The following OTUD5 variants were observed in gnomAD, a reference collection of about 807,000 sequenced individuals.
OTUD5 encodes OTU domain-containing protein 5.
Under a neutral mutation model 36.3 loss-of-function variants are expected in OTUD5, and 2 were observed. The ratio of observed to expected loss-of-function variants is 0.06; its 90% confidence interval spans 0.02 to 0.17. The LOEUF (loss-of-function observed/expected upper bound fraction) is 0.17. Among genes scored for constraint, OTUD5 ranks in the 10% least tolerant of loss-of-function variants. The pLI is 1.00. For missense variants in OTUD5, 233 were observed against 512.3 expected (o/e 0.45, Z 5.26); for synonymous variants, 234 against 214.9 (o/e 1.09, Z -0.78).
chrX:48,952,451 G>A (rs1253918911), intron 1 of OTUD5, among the ~76,000 whole-genome samples: 5 of 112,423 alleles, frequency 4.4e-5, no homozygotes, highest in Non-Finnish European at 9.4e-5. Context: ...CTTCAAAGAG[G>A]TGAATAGTAT....
intron 2 of OTUD5, among the ~76,000 whole-genome samples, chrX:48,943,343 C>A (rs1384034920): frequency 8.9e-6 from 1 of 111,940 alleles, no homozygotes; most frequent in South Asian, 3.7e-4. Context: ...ATTATTAATT[C>A]TGTTAGGTGC....
intron 1 of OTUD5, among the ~76,000 whole-genome samples, chrX:48,954,903 G>A (rs1208163228): frequency 8.9e-6 from 1 of 112,008 alleles, no homozygotes; most frequent in Admixed American, 9.4e-5. Flanking sequence ...GACCTTCTTG[G>A]CCCTGGCCAC....
chrX:48,938,720 T>C (rs2063870442), intron 2 of OTUD5, among the ~76,000 whole-genome samples: 1 of 110,832 alleles, frequency 9.0e-6, no homozygotes, highest in Admixed American at 9.6e-5. Flanking sequence ...AATTCGTTTT[T>C]CTGACTTTCC....
chrX:48,948,466 C>T (rs992441977), intron 1 of OTUD5, among the ~76,000 whole-genome samples: 60 of 112,430 alleles, frequency 5.3e-4, no homozygotes, highest in African/African-American at 1.4e-3. Flanking sequence ...AAGGCCCCCA[C>T]GAGCCACAGC....
In OTUD5 at chrX:48,928,841, A is replaced by AC. The variant is rs1406994604; in HGVS notation, c.1060-2792_1060-2791insG. Reference sequence around the variant, plus strand: ...TACACTGTCTCAAAAAAAAAAAAAAAAAACAGTATGAAAAGGCTACATACT... The same window carrying AC: ...TACACTGTCTCAAAAAAAAAAAAAAACAAACAGTATGAAAAGGCTACATACT... On this transcript the variant is annotated intron_variant, in intron 5 of 8. Transcript: ENST00000376488. Among the ~76,000 whole-genome samples, 3 of 108,002 alleles carry AC rather than the reference A, an allele frequency of 2.8e-5. No individual in the cohort carries two copies. In the East Asian group the frequency reaches 8.6e-4, roughly 31 times the overall value. 93.8% of individuals were successfully genotyped at this position (108,002 alleles called of 115,157 possible). A position where few individuals can be genotyped will look rare whatever the true frequency, so the allele number is the denominator to read the frequency against.
intron 5 of OTUD5, among the ~76,000 whole-genome samples, chrX:48,928,863 T>C (rs1557048213): frequency 2.0e-5 from 2 of 102,406 alleles, no homozygotes; most frequent in African/African-American, 7.1e-5. Context: ...AAAGGCTACA[T>C]ACTGTATGAT....
chrX:48,925,142 G>T, intron 6 of OTUD5, among the ~76,000 whole-genome samples: 1 of 109,729 alleles, frequency 9.1e-6, no homozygotes, highest in Non-Finnish European at 1.9e-5. Flanking sequence ...GCCAGGCGTG[G>T]TGGTGGGCGC....
chrX:48,947,628 G>A (rs903885183), intron 1 of OTUD5, among the ~76,000 whole-genome samples: 5 of 108,669 alleles, frequency 4.6e-5, no homozygotes, highest in African/African-American at 6.7e-5. Context: ...GCTTGAACCC[G>A]GGAGGCGGAG....
In OTUD5 at chrX:48,954,158, C is replaced by A. The variant is rs187747055; in HGVS notation, c.594+2819G>T. Among the ~76,000 whole-genome samples the A allele has an allele frequency of 4.0e-3, 446 of 110,486 alleles. 3 individuals carry two copies. Among genetic ancestry groups the A allele is most frequent in the Non-Finnish European group, 7.0e-3 (369 of 52,707 alleles). ...TTTTTTATTAGTAAAGATGAGGTCT[C>A]GCTATGTTGCCAAGCAGGTCTTGAA... On this transcript the variant is annotated intron_variant, in intron 1 of 8. Transcript: ENST00000376488.
chrX:48,950,869 G>A (rs970069832), intron 1 of OTUD5, among the ~76,000 whole-genome samples: 1 of 110,507 alleles, frequency 9.0e-6, no homozygotes, highest in African/African-American at 3.3e-5. Context: ...GCCAACTTCT[G>A]TTGTTTTAAA....
At chrX:48,956,794 G>A (rs1336444723) in intron 1 of OTUD5, among the ~76,000 whole-genome samples, 183 bp downstream of exon 1, 1 of 111,247 alleles carries the variant, frequency 9.0e-6, no homozygotes, top group Non-Finnish European at 1.9e-5. Context: ...TAGGCCTCTA[G>A]CCCCAAAATC....
In OTUD5 at chrX:48,957,461, C is replaced by G; in HGVS notation, c.110G>C (p.Gly37Ala). 4 of 926,410 alleles carry G rather than the reference C, an allele frequency of 4.3e-6. No individual in the cohort carries two copies. Among genetic ancestry groups the G allele is most frequent in the Non-Finnish European group, 5.4e-6 (4 of 745,851 alleles). The allele number at this position is 926,410 out of a possible 1,213,427, so 76.3% of individuals were successfully genotyped here. The change falls in exon 1 of 9, where the codon GGC becomes GCC. Residue 37 changes from glycine (G) to alanine (A), a missense_variant. Physicochemically the swap from Gly to Ala is moderately conservative, Grantham distance 60 (BLOSUM62 0). This residue lies in a region of OTUD5 where 155 missense variants were observed against 217.2 expected (regional missense o/e 0.71). Coordinates refer to ENST00000376488, the MANE Select transcript of OTUD5 (RefSeq NM_001136157.2). ...CACGCCCGTGCCGCCGCCGCCCACG[C>G]CCACACCTCCGCCGCGCCGCGGCGC... ...PPAPRRGGGVGVGGGGTGVGG... is the reference protein window; with the variant it reads ...PPAPRRGGGVAVGGGGTGVGG...
At position 48,923,774 on chromosome X, in the gene OTUD5, G is replaced by A. The variant is rs782102534; in HGVS notation, c.1466-28C>T. The A allele has an allele frequency of 5.9e-6, 7 of 1,185,002 alleles. No homozygotes were observed. The South Asian group carries it at 1.3e-4, about 21-fold the overall frequency. ...GAAGCAGACGGACAGTCAAAGGTAG[G>A]GACCCAGGATCCAGGACCCAGGACC... On this transcript the variant is annotated intron_variant, in intron 7 of 8. Coordinates refer to ENST00000376488, the MANE Select transcript of OTUD5 (RefSeq NM_001136157.2).
intron 1 of OTUD5, among the ~76,000 whole-genome samples, chrX:48,948,597 C>T (rs1478574926): frequency 9.0e-6 from 1 of 111,145 alleles, no homozygotes; most frequent in Non-Finnish European, 1.9e-5. Context: ...AAACTGGCAT[C>T]CAGGCTTGGA....
intron 2 of OTUD5, among the ~76,000 whole-genome samples, chrX:48,938,352 G>A (rs2063863069): frequency 8.9e-6 from 1 of 111,787 alleles, no homozygotes; most frequent in Admixed American, 9.5e-5. Flanking sequence ...TATAAGGCAG[G>A]AAAAGCATCT....
chrX:48,951,279 C>G (rs782283016), intron 1 of OTUD5, among the ~76,000 whole-genome samples: 1 of 111,957 alleles, frequency 8.9e-6, no homozygotes, highest in Admixed American at 9.4e-5. Context: ...AAGACCACCC[C>G]CTCCAGCAAA....
In OTUD5 at chrX:48,926,074, G is replaced by T. The variant is rs782734032; in HGVS notation, c.1060-24C>A. ...AACTGCAAGGAGGGAGAGGAACAGGGATGTGCAATAACACACTGAACCTGC... is the reference window on the plus strand; with the variant it reads ...AACTGCAAGGAGGGAGAGGAACAGGTATGTGCAATAACACACTGAACCTGC... On this transcript the variant is annotated intron_variant, in intron 5 of 8. Coordinates refer to ENST00000376488, the MANE Select transcript of OTUD5 (RefSeq NM_001136157.2). 10 of 1,146,676 alleles carry T rather than the reference G, an allele frequency of 8.7e-6. No homozygotes were observed. The African/African-American group carries it at 1.8e-4, about 20-fold the overall frequency. The allele number at this position is 1,146,676 out of a possible 1,213,427, so 94.5% of individuals were successfully genotyped here.
At chrX:48,938,737 C>T (rs1222729213) in intron 2 of OTUD5, among the ~76,000 whole-genome samples, 1 of 111,263 alleles carries the variant, frequency 9.0e-6, no homozygotes, top group Non-Finnish European at 1.9e-5. Context: ...TTCCTAGCTC[C>T]ACCTCTGTCC....
At chrX:48,932,161 GATAATAATAATAATAATAATAATAATA>G (rs781824408) in intron 5 of OTUD5, among the ~76,000 whole-genome samples, 4 of 88,822 alleles carry the variant, frequency 4.5e-5, no homozygotes, top group African/African-American at 8.2e-5. Flanking sequence ...AAAAAAAGAT[GATAATAATAATAATAATAATAATAATA>G]ATAATAATAA....
Sources: gnomAD v4.1 joint callset for allele counts (sites outside exome capture counted in the v4.1 genomes callset) on GRCh38, gnomAD v4.1.1 for gene constraint, gnomAD v4.1.1 regional missense constraint, MANE v1.5 for transcripts, NCBI Gene and HGNC (gene_info 2026-07-23, HGNC 2026-07-21) for gene names.